OGFR: variants seen among roughly 807,000 people sequenced by gnomAD.
OGFR encodes opioid growth factor receptor, also known as protein 7-60.
Under a neutral mutation model 33.6 loss-of-function variants are expected in OGFR, and 18 were observed. The ratio of observed to expected loss-of-function variants is 0.54; its 90% CI spans 0.37 to 0.80. The LOEUF is 0.80. Among genes scored for constraint, OGFR ranks in the 30% least tolerant of loss-of-function variants. OGFR has a pLI of 0.00. For synonymous variants in OGFR, 370 were observed against 400.7 expected, an observed-to-expected ratio of 0.92 and a Z score of 0.91; for missense variants, 877 against 955.8, an observed-to-expected ratio of 0.92 and a Z score of 1.09.
rs761362283 is a variant in OGFR, at chr20:62,813,786, G to A, written c.*137G>A. On this transcript the variant is annotated 3_prime_UTR_variant, in exon 7 of 7. Coordinates refer to ENST00000290291, the MANE Select transcript of OGFR (RefSeq NM_007346.4). ...GACCCACAGTGCTGGCCTCCTGTGG[G>A]GCCACTATAGCAGCCACCAGAAGCC... is the stretch of plus-strand genomic sequence containing the variant. The A allele has an allele frequency of 3.0e-5, 31 of 1,050,342 alleles. No individual in the cohort carries two copies. The highest frequency in any genetic ancestry group is 2.9e-4 in the Middle Eastern group (1 of 3,440). The allele number at this position is 1,050,342 out of a possible 1,614,324, so 65.1% of individuals were successfully genotyped here.
Position 62,813,186 on chromosome 20 carries a change from C to A in OGFR, c.1571C>A (p.Pro524His), listed in dbSNP as rs1325099468. The A allele has an allele frequency of 6.5e-7, 1 of 1,529,952 alleles. No homozygotes were observed. Among genetic ancestry groups the A allele is most frequent in the Non-Finnish European group, 8.9e-7 (1 of 1,120,012 alleles). The allele number at this position is 1,529,952 out of a possible 1,614,324, so 94.8% of individuals were successfully genotyped here. A position where few individuals can be genotyped will look rare whatever the true frequency, so the allele number is the denominator to read the frequency against. Residue 524 changes from proline (P) to histidine (H), a missense_variant, in exon 7 of 7, where the codon CCC becomes CAC. Physicochemically the swap from Pro to His is moderately conservative, Grantham distance 77. This residue lies in a region of OGFR where 760 missense variants were observed against 736.0 expected (regional missense o/e 1.03). Coordinates refer to ENST00000290291, the MANE Select transcript of OGFR (RefSeq NM_007346.4). ...GGGAGCCCATCGGAGACCCCAGGCC[C>A]CAGCCCAGCAGGACCTGCAGGGGAC... ...TPGSPSETPG[P>H]SPAGPAGDEP...
At chr20:62,808,974 CAAAAAAAAAAA>C (rs5842400) in intron 3 of OGFR, among the ~76,000 whole-genome samples, 8 of 68,410 alleles carry the variant, frequency 1.2e-4, no homozygotes, top group African/African-American at 3.3e-4. Context: ...GACTCTGTCT[CAAAAAAAAAAA>C]AAAAAAAAAA....
intron 3 of OGFR, among the ~76,000 whole-genome samples, chr20:62,809,094 C>T (rs574516532): frequency 1.4e-4 from 21 of 151,904 alleles, no homozygotes; most frequent in Non-Finnish European, 2.5e-4. Context: ...TGTTTATGCA[C>T]GTGCCGGGCT....
At chr20:62,810,604 G>T in intron 5 of OGFR, 39 bp downstream of exon 5, 1 of 1,600,050 alleles carries the variant, frequency 6.2e-7, no homozygotes, top group South Asian at 1.1e-5. Flanking sequence ...GGGAAGATGG[G>T]GAGGCCTGGG....
intron 3 of OGFR, among the ~76,000 whole-genome samples, chr20:62,809,169 T>C (rs1990667676): frequency 6.6e-6 from 1 of 152,178 alleles, no homozygotes; most frequent in Admixed American, 6.5e-5. Flanking sequence ...CAGGAGACTG[T>C]GCCTGCCACA....
chr20:62,807,503 A>G (rs1168775005), intron 1 of OGFR, 34 bp from the exon 2 acceptor site: 8 of 1,603,890 alleles, frequency 5.0e-6, no homozygotes, highest in South Asian at 1.1e-5. Flanking sequence ...GGGGTCTCCC[A>G]TGGGGGTCCT....
chr20:62,813,488 CG>C lies in OGFR; in HGVS notation c.1874del (p.Arg625ProfsTer89). ...AESPSETPGP[R>X]PAGPAGDEPA... ...GAGCCCATCGGAGACCCCAGGCCCC[CG>C]CCCGGCAGGACCTGCAGGGGACGAG... On this transcript the variant is annotated frameshift_variant, in exon 7 of 7. Coordinates refer to ENST00000290291, the MANE Select transcript of OGFR (RefSeq NM_007346.4). LOFTEE classifies it low-confidence loss of function (END_TRUNC). 7.2e-7 allele frequency: 1 copy of C among 1,396,254 alleles called. No homozygotes were observed. Among genetic ancestry groups the C allele is most frequent in the African/African-American group, 2.0e-5 (1 of 49,700 alleles). The allele number at this position is 1,396,254 out of a possible 1,614,324, so 86.5% of individuals were successfully genotyped here.
chr20:62,811,215 T>A (rs1990720429), intron 5 of OGFR, among the ~76,000 whole-genome samples: 1 of 151,226 alleles, frequency 6.6e-6, no homozygotes, highest in Non-Finnish European at 1.5e-5. Flanking sequence ...TAGAAAAAAA[T>A]TAGCCAGGTG....
rs140588625 is a variant in OGFR at position 62,812,706 on chromosome 20, A to T, written c.1091A>T (p.Asp364Val). 1 of 1,583,626 alleles carries T rather than the reference A, an allele frequency of 6.3e-7. No individual in the cohort carries two copies. The highest frequency in any genetic ancestry group is 8.6e-7 in the Non-Finnish European group (1 of 1,165,382). Reference sequence around the variant, plus strand: ...GGACCCCTGGAGAGGAGCCAGGGGGATGAGGCAGGGGGCCACGGGGAAGAT... The same window carrying T: ...GGACCCCTGGAGAGGAGCCAGGGGGTTGAGGCAGGGGGCCACGGGGAAGAT... ...DAGPLERSQG[D>V]EAGGHGEDRP... Residue 364 changes from aspartate to valine, a missense_variant, in exon 7 of 7, where the codon GAT (aspartate) becomes GTT (valine). Coordinates refer to ENST00000290291, the MANE Select transcript of OGFR (RefSeq NM_007346.4).
Position 62,812,617 on chromosome 20 carries a change from T to C in OGFR, c.1002T>C (p.His334=), listed in dbSNP as rs1170858782. The change falls in exon 7 of 7, where the codon CAT becomes CAC. Residue 334 remains histidine (H), a synonymous_variant. Coordinates refer to ENST00000290291, the MANE Select transcript of OGFR (RefSeq NM_007346.4). Reference sequence around the variant, plus strand: ...AGGGTCGGACCTGTGGGCCAGAGCATAGCAAGGGTGGGGGCAGGGTGGACG... The same window carrying C: ...AGGGTCGGACCTGTGGGCCAGAGCACAGCAAGGGTGGGGGCAGGGTGGACG... ...STQGRTCGPE[H]SKGGGRVDEG... The C allele has an allele frequency of 6.4e-7, 1 of 1,561,622 alleles. No homozygotes were observed. The highest frequency in any genetic ancestry group is 8.7e-7 in the Non-Finnish European group (1 of 1,154,076).
chr20:62,813,725 C>G lies in OGFR; in HGVS notation c.*76C>G. 1.3e-6 allele frequency: 2 copies of G among 1,534,680 alleles called. No homozygotes were observed. Among genetic ancestry groups the G allele is most frequent in the Non-Finnish European group, 1.8e-6 (2 of 1,112,666 alleles). Reference sequence around the variant, plus strand: ...CTGGGGCCTCCGGAGCTGCTGCGGGCTCCCCTCAGGCTCTGCTTCGTGACC... The same window carrying G: ...CTGGGGCCTCCGGAGCTGCTGCGGGGTCCCCTCAGGCTCTGCTTCGTGACC... On this transcript the variant is annotated 3_prime_UTR_variant, in exon 7 of 7. Transcript: ENST00000290291.
chr20:62,804,837 C>T lies in OGFR; in HGVS notation c.-23C>T. 3 of 1,438,620 alleles carry T rather than the reference C, an allele frequency of 2.1e-6. No homozygotes were observed. Among genetic ancestry groups the T allele is most frequent in the Non-Finnish European group, 9.1e-7 (1 of 1,097,164 alleles). 89.1% of individuals were successfully genotyped at this position (1,438,620 alleles called of 1,614,324 possible). On this transcript the variant is annotated 5_prime_UTR_variant, in exon 1 of 7. Transcript: ENST00000290291. Reference sequence around the variant, plus strand: ...CTTTCGGTTTCGCTTCCGCCTCCAGCGCGAGCCCCGCCGCCGCCGAGCATG... The same window carrying T: ...CTTTCGGTTTCGCTTCCGCCTCCAGTGCGAGCCCCGCCGCCGCCGAGCATG...
intron 4 of OGFR, among the ~76,000 whole-genome samples, chr20:62,810,209 C>T (rs924172081): frequency 6.6e-6 from 1 of 152,224 alleles, no homozygotes; most frequent in Admixed American, 6.5e-5. Flanking sequence ...GAAAGGAAGG[C>T]CCTGTCCGCC....
At chr20:62,808,972 C>CT (rs1470606463) in intron 3 of OGFR, among the ~76,000 whole-genome samples, 7 of 58,300 alleles carry the variant, frequency 1.2e-4, no homozygotes, top group Non-Finnish European at 2.9e-5. Context: ...GAGACTCTGT[C>CT]TCAAAAAAAA....
chr20:62,812,723 G>T lies in OGFR; in HGVS notation c.1108G>T (p.Gly370Trp), dbSNP rs772801234. 2.5e-6 allele frequency: 4 copies of T among 1,596,574 alleles called. No homozygotes were observed. The highest frequency in any genetic ancestry group is 2.3e-5 in the East Asian group (1 of 43,956). ...RSQGDEAGGH[G>W]EDRPEPLSPK... is the part of the protein sequence containing the mutation. ...CCAGGGGGATGAGGCAGGGGGCCAC[G>T]GGGAAGATAGGCCGGAGCCCTTAAG... The change falls in exon 7 of 7, where the codon GGG (glycine) becomes TGG (tryptophan). Residue 370 changes from glycine to tryptophan, a missense_variant. Coordinates refer to ENST00000290291, the MANE Select transcript of OGFR (RefSeq NM_007346.4).
rs1229307264 is a variant in OGFR at position 62,813,422 on chromosome 20, G to C, written c.1807G>C (p.Gly603Arg). 1 of 1,531,180 alleles carries C rather than the reference G, an allele frequency of 6.5e-7. No homozygotes were observed. Among genetic ancestry groups the C allele is most frequent in the Non-Finnish European group, 8.7e-7 (1 of 1,153,106 alleles). 94.8% of individuals were successfully genotyped at this position (1,531,180 alleles called of 1,614,324 possible). ...EPAESPSETP[G>R]PRPAGPAGDE... ...AGCCGAGAGCCCATCGGAGACCCCA[G>C]GCCCCCGCCCGGCAGGACCTGCAGG... Residue 603 changes from glycine to arginine, a missense_variant, in exon 7 of 7, where the codon GGC becomes CGC. By Grantham distance (125) the Gly-to-Arg change is moderately radical. Around this residue, in one of 3 missense-constraint regions of OGFR, gnomAD observed 72 missense variants for 181.8 expected, o/e 0.40. Coordinates refer to ENST00000290291, the MANE Select transcript of OGFR (RefSeq NM_007346.4).
intron 1 of OGFR, 96 bp from the exon 2 acceptor site, chr20:62,807,441 C>T: frequency 2.9e-6 from 3 of 1,040,306 alleles, no homozygotes; most frequent in Middle Eastern, 2.0e-4. Flanking sequence ...AAAGACAGCT[C>T]TGTGGCAGCT....
In OGFR at chr20:62,813,071, G is replaced by C; in HGVS notation, c.1456G>C (p.Ala486Pro). Residue 486 changes from alanine to proline, a missense_variant, in exon 7 of 7, where the codon GCC becomes CCC. By Grantham distance (27) the Ala-to-Pro change is conservative. Around this residue, in one of 3 missense-constraint regions of OGFR, gnomAD observed 760 missense variants for 736.0 expected, o/e 1.03. Transcript: ENST00000290291. ...GACCTTGGCCCTTGCCGGGTCCCCT[G>C]CCCCATCGGGGCACCCCAAGGCTGG... The part of the protein sequence containing the change: ...AQTLALAGSP[A>P]PSGHPKAGHS... The C allele has an allele frequency of 6.3e-7, 1 of 1,579,656 alleles. No individual in the cohort carries two copies. Among genetic ancestry groups the C allele is most frequent in the Non-Finnish European group, 8.6e-7 (1 of 1,162,730 alleles).
chr20:62,808,128 C>T (rs781015007), intron 2 of OGFR, 119 bp from the exon 3 acceptor site: 2 of 818,874 alleles, frequency 2.4e-6, no homozygotes, highest in South Asian at 1.3e-5. Context: ...GCCAGGCGGG[C>T]TCTTGGGGTA....
Sources: gnomAD v4.1 joint callset for allele counts (sites outside exome capture counted in the v4.1 genomes callset) on GRCh38, gnomAD v4.1.1 for gene constraint, gnomAD v4.1.1 regional missense constraint, MANE v1.5 for transcripts, NCBI Gene and HGNC (gene_info 2026-07-23, HGNC 2026-07-21) for gene names.